The following SLC30A8 variants were observed in gnomAD, a reference collection of about 807,000 sequenced individuals.
SLC30A8 encodes proton-coupled zinc antiporter SLC30A8.
Under a neutral mutation model 36.9 loss-of-function variants are expected in SLC30A8, and 27 were observed. The ratio of observed to expected loss-of-function variants is 0.73; its 90% CI spans 0.54 to 1.01. The LOEUF (loss-of-function observed/expected upper bound fraction) is 1.01. Ranked by LOEUF, SLC30A8 falls within the 50% of genes least tolerant of loss-of-function variation. The pLI, the probability that SLC30A8 is intolerant of heterozygous loss-of-function variation, is 0.00. For missense variants in SLC30A8, 439 were observed against 452.0 expected, an observed-to-expected ratio of 0.97 and a Z score of 0.26; for synonymous variants, 164 against 172.4, an observed-to-expected ratio of 0.95 and a Z score of 0.38.
At chr8:117,158,354 C>T (rs896886470) in intron 4 of SLC30A8, among the ~76,000 whole-genome samples, 1 of 152,174 alleles carries the variant, frequency 6.6e-6, no homozygotes, top group African/African-American at 2.4e-5. Context: ...GAAAGGGACT[C>T]TAAAATGTAT....
chr8:117,048,269 T>C (rs780217522), intron 2 of SLC30A8, among the ~76,000 whole-genome samples: 76 of 152,170 alleles, frequency 5.0e-4, no homozygotes, highest in Non-Finnish European at 8.2e-4. Context: ...TCAGTGGGAC[T>C]GATCAGGCTG....
At chr8:117,021,479 A>G (rs760812728) in intron 1 of SLC30A8, among the ~76,000 whole-genome samples, 5 of 152,194 alleles carry the variant, frequency 3.3e-5, no homozygotes, top group Non-Finnish European at 7.3e-5. Flanking sequence ...GATTTTATTG[A>G]AGGAGATTAA....
intron 1 of SLC30A8, among the ~76,000 whole-genome samples, chr8:117,002,637 G>T (rs1017247727): frequency 2.0e-5 from 3 of 152,000 alleles, no homozygotes; most frequent in African/African-American, 7.3e-5. Context: ...ACGGAGTCTT[G>T]CTCTGTCACC....
chr8:117,088,500 A>G (rs2130824546), intron 2 of SLC30A8, among the ~76,000 whole-genome samples: 1 of 152,174 alleles, frequency 6.6e-6, no homozygotes, highest in South Asian at 2.1e-4. Context: ...GTATTCCATC[A>G]CTGCCTCTCA....
At chr8:117,038,478 A>G (rs963561445) in intron 1 of SLC30A8, among the ~76,000 whole-genome samples, 9 of 152,142 alleles carry the variant, frequency 5.9e-5, no homozygotes, top group Non-Finnish European at 1.0e-4. Context: ...TCTTGATTGT[A>G]TAGTCTTTAT....
intron 1 of SLC30A8, among the ~76,000 whole-genome samples, chr8:116,973,040 T>C (rs1362732128): frequency 6.6e-6 from 1 of 152,196 alleles, no homozygotes; most frequent in African/African-American, 2.4e-5. Flanking sequence ...TCCTCATGAA[T>C]GGGATTCGTT....
At chr8:117,018,664 C>CG (rs746600218) in intron 1 of SLC30A8, among the ~76,000 whole-genome samples, 9 of 39,966 alleles carry the variant, frequency 2.3e-4, no homozygotes, top group African/African-American at 4.1e-4. Context: ...ATCTGACTAG[C>CG]CCCCCCCCCC....
intron 1 of SLC30A8, among the ~76,000 whole-genome samples, chr8:117,143,665 A>AACAT (rs1554589499): frequency 6.8e-6 from 1 of 146,190 alleles, no homozygotes; most frequent in African/African-American, 2.5e-5. Flanking sequence ...TCTCCCATAA[A>AACAT]ACACACACAC....
chr8:117,083,139 T>C (rs1818730867), intron 2 of SLC30A8, among the ~76,000 whole-genome samples: 1 of 152,198 alleles, frequency 6.6e-6, no homozygotes, highest in South Asian at 2.1e-4. Context: ...ATTAGAATCA[T>C]GTGACTCCTT....
In SLC30A8 at chr8:117,174,761, T is replaced by G. The variant is rs1823585109; in HGVS notation, c.*2080T>G. 1 of 152,132 alleles carries G rather than the reference T, an allele frequency of 6.6e-6. No individual in the cohort carries two copies. Among genetic ancestry groups the G allele is most frequent in the South Asian group, 2.1e-4 (1 of 4,824 alleles). The allele number at this position is 152,132 out of a possible 1,614,324, so 9.4% of individuals were successfully genotyped here. ...CAGGTAATCATTATGGAGGGAGATT[T>G]GTGTGTCAACCAAAGTAATTGTCCC... On this transcript the variant is annotated 3_prime_UTR_variant, in exon 8 of 8. Coordinates refer to ENST00000456015, the MANE Select transcript of SLC30A8 (RefSeq NM_173851.3).
At chr8:116,987,097 G>A (rs1815470738) in intron 1 of SLC30A8, among the ~76,000 whole-genome samples, 1 of 151,890 alleles carries the variant, frequency 6.6e-6, no homozygotes, top group Non-Finnish European at 1.5e-5. Context: ...CTGAAAAACA[G>A]GATAAATATT....
At chr8:117,152,610 C>T (rs987214963) in intron 2 of SLC30A8, among the ~76,000 whole-genome samples, 1 of 152,114 alleles carries the variant, frequency 6.6e-6, no homozygotes, top group South Asian at 2.1e-4. Flanking sequence ...GAATCTGACC[C>T]GCACTGCTTC....
At chr8:117,152,859 C>A (rs1822257079) in intron 2 of SLC30A8, 85 bp from the exon 3 acceptor site, 1 of 1,135,242 alleles carries the variant, frequency 8.8e-7, no homozygotes, top group East Asian at 2.6e-5. Context: ...GAGTCTGTGG[C>A]ATTTTCACCC....
intron 1 of SLC30A8, among the ~76,000 whole-genome samples, chr8:117,004,581 G>A (rs943839886): frequency 3.9e-5 from 6 of 152,196 alleles, no homozygotes; most frequent in African/African-American, 1.4e-4. Context: ...CAGAAAAGGT[G>A]CTCTGAAAGC....
chr8:117,080,962 T>C lies in SLC30A8; in HGVS notation c.-226+41704T>C, dbSNP rs536313164. On this transcript the variant is annotated intron_variant, in intron 2 of 10. Transcript: ENST00000427715. Reference sequence around the variant, plus strand: ...ATTTACTGTTAAAATTTTGTGATGGTCTGTTTTGTGACAAAAATATCTATC... The same window carrying C: ...ATTTACTGTTAAAATTTTGTGATGGCCTGTTTTGTGACAAAAATATCTATC... Among the ~76,000 whole-genome samples, 4 of 152,340 alleles carry C rather than the reference T, an allele frequency of 2.6e-5. 1 individual carries two copies. The South Asian group carries it at 8.3e-4, about 32-fold the overall frequency.
intron 1 of SLC30A8, among the ~76,000 whole-genome samples, chr8:117,018,668 C>CG (rs1202916091): frequency 4.9e-5 from 6 of 121,664 alleles, no homozygotes; most frequent in Non-Finnish European, 8.6e-5. Context: ...GACTAGCCCC[C>CG]CCCCCCCTTT....
At chr8:116,959,250 C>T (rs73310295) in intron 1 of SLC30A8, among the ~76,000 whole-genome samples, 4,203 of 152,188 alleles carry the variant, frequency 0.028, 182 homozygotes, top group African/African-American at 0.095. Context: ...AGTATCTAAT[C>T]GGCTAGTGAT....
intron 2 of SLC30A8, among the ~76,000 whole-genome samples, chr8:117,071,871 C>T (rs1270961751): frequency 2.0e-5 from 3 of 152,108 alleles, no homozygotes; most frequent in Admixed American, 6.6e-5. Flanking sequence ...TTGTTCATCT[C>T]CCATTAGCCT....
intron 2 of SLC30A8, among the ~76,000 whole-genome samples, chr8:117,100,567 A>G (rs1230283683): frequency 6.6e-6 from 1 of 152,186 alleles, no homozygotes; most frequent in Non-Finnish European, 1.5e-5. Context: ...GCTGGAAACA[A>G]GAAGCCAGTA....
Sources: allele counts gnomAD v4.1 joint callset (sites outside exome capture counted in the v4.1 genomes callset), GRCh38; gene constraint gnomAD v4.1.1; transcripts MANE v1.5; gene names NCBI Gene and HGNC (gene_info 2026-07-23, HGNC 2026-07-21).